Variants in ARHGEF38 observed in about 807,000 individuals in gnomAD.
ARHGEF38 encodes the protein Rho guanine nucleotide exchange factor (GEF) 38.
ARHGEF38 carries 79 observed loss-of-function variants against 79.9 expected under a neutral mutation model. That is an observed-to-expected ratio of 0.99 (90% confidence interval 0.82 to 1.19). ARHGEF38 has a LOEUF of 1.19. Ranked by LOEUF, ARHGEF38 falls within the 50% of genes most tolerant of loss-of-function variation. The probability of loss-of-function intolerance (pLI) is 0.00; values close to 1 mark genes in which losing one functional copy is unlikely to be tolerated. For synonymous variants in ARHGEF38, 366 were observed against 328.3 expected (o/e 1.11, Z -1.24); for missense variants, 962 against 907.2 (o/e 1.06, Z -0.78).
intron 10 of ARHGEF38, 97 bp downstream of exon 10, chr4:105,659,462 A>G (rs2110564400): frequency 8.5e-7 from 1 of 1,182,072 alleles, no homozygotes. Flanking sequence ...GTGCACATGT[A>G]TGCCGTGTGG....
chr4:105,648,653 C>A lies in ARHGEF38; in HGVS notation c.979C>A (p.Leu327Met). The A allele has an allele frequency of 6.5e-7, 1 of 1,531,356 alleles. No individual in the cohort carries two copies. The highest frequency in any genetic ancestry group is 8.7e-7 in the Non-Finnish European group (1 of 1,144,966). The allele number at this position is 1,531,356 out of a possible 1,614,324, so 94.9% of individuals were successfully genotyped here. Residue 327 changes from leucine (L) to methionine (M), a missense_variant, in exon 7 of 14, where the codon CTG becomes ATG. Transcript: ENST00000420470. ...GAAATCAAAAAGAGTGACAAATCATCTGAAGATTCTGACCAGAGGAGAATC... is the reference window on the plus strand; with the variant it reads ...GAAATCAAAAAGAGTGACAAATCATATGAAGATTCTGACCAGAGGAGAATC... ...SKKSKRVTNH[L>M]KILTRGESQV...
chr4:105,655,760 T>C (rs1317338845), intron 9 of ARHGEF38, 38 bp downstream of exon 9: 14 of 1,520,780 alleles, frequency 9.2e-6, no homozygotes, highest in Non-Finnish European at 1.2e-5. Flanking sequence ...GCAAATTAAA[T>C]AGTGAGGTTG....
At chr4:105,665,899 ATGAGCTCC>A (rs1320095095) in intron 10 of ARHGEF38, among the ~76,000 whole-genome samples, 29 of 152,192 alleles carry the variant, frequency 1.9e-4, no homozygotes, top group African/African-American at 6.8e-4. Context: ...ACCTACTGCC[ATGAGCTCC>A]TGAGCTTTTT....
At chr4:105,654,355 C>T (rs910800537) in intron 8 of ARHGEF38, among the ~76,000 whole-genome samples, 186 bp downstream of exon 8, 6 of 152,142 alleles carry the variant, frequency 3.9e-5, no homozygotes, top group Admixed American at 3.9e-4. Context: ...TGCTGTTTGA[C>T]CTCTTACCTG....
Position 105,613,509 on chromosome 4 carries a change from T to C in ARHGEF38, c.508+2T>C. The C allele has an allele frequency of 1.2e-6, 2 of 1,612,480 alleles. No individual in the cohort carries two copies. Among genetic ancestry groups the C allele is most frequent in the Non-Finnish European group, 8.5e-7 (1 of 1,179,012 alleles). ...TGGAACCGGCCATGCAAGTAATTGG[T>C]ATGTTTATTCTCTTCTCGAGTTCTA... On this transcript the variant is annotated splice_donor_variant, in intron 3 of 13. Transcript: ENST00000420470. LOFTEE classifies it high-confidence loss of function.
At position 105,677,943 on chromosome 4, in the gene ARHGEF38, T is replaced by C. The variant is rs1354812627; in HGVS notation, c.*6T>C. The C allele has an allele frequency of 1.3e-6, 2 of 1,491,540 alleles. No individual in the cohort carries two copies. The highest frequency in any genetic ancestry group is 4.3e-5 in the Admixed American group (2 of 46,552). The allele number at this position is 1,491,540 out of a possible 1,614,324, so 92.4% of individuals were successfully genotyped here. A position where few individuals can be genotyped will look rare whatever the true frequency, so the allele number is the denominator to read the frequency against. On this transcript the variant is annotated 3_prime_UTR_variant, in exon 14 of 14. Transcript: ENST00000420470. ...GAAAGATGACTTATGCTTAAGAAAA[T>C]AAGCCTTCAACTTTTATTTTCCAGC...
intron 1 of ARHGEF38, among the ~76,000 whole-genome samples, chr4:105,561,400 T>TAGAATAGAATAG (rs59437354): frequency 1.7e-4 from 5 of 30,180 alleles, no homozygotes; most frequent in African/African-American, 3.7e-4. Context: ...TAGAGTAGAA[T>TAGAATAGAATAG]AATAGAATAG....
Position 105,679,043 on chromosome 4 carries a change from CAAAT to C in ARHGEF38, c.*1108_*1111del. The C allele has an allele frequency of 5.0e-6, 2 of 402,612 alleles. No homozygotes were observed. The highest frequency in any genetic ancestry group is 8.2e-6 in the Non-Finnish European group (2 of 243,384). 24.9% of individuals were successfully genotyped at this position (402,612 alleles called of 1,614,324 possible). ...AAGCTCACACTGCTAAATTAACTAT[CAAAT>C]ACTCAGTCAAAACTCCATTTGTGGC... On this transcript the variant is annotated 3_prime_UTR_variant, in exon 14 of 14. Transcript: ENST00000420470.
chr4:105,667,225 A>G lies in ARHGEF38; in HGVS notation c.1786A>G (p.Thr596Ala). The G allele has an allele frequency of 1.3e-6, 2 of 1,536,208 alleles. No individual in the cohort carries two copies. Among genetic ancestry groups the G allele is most frequent in the Non-Finnish European group, 1.7e-6 (2 of 1,146,932 alleles). ...LYQAKRKCNA[T>A]QEYDINLLEG... is the part of the protein sequence containing the mutation. ...TCAAGCTAAGCGCAAGTGCAATGCT[A>G]CACAAGAATATGACATCAATCTTCT... The change falls in exon 12 of 14, where the codon ACA (threonine) becomes GCA (alanine). Residue 596 changes from threonine (T) to alanine (A), a missense_variant. Coordinates refer to ENST00000420470, the MANE Select transcript of ARHGEF38 (RefSeq NM_001242729.2).
intron 1 of ARHGEF38, among the ~76,000 whole-genome samples, chr4:105,582,054 A>T (rs1424176895): frequency 2.6e-5 from 4 of 151,472 alleles, no homozygotes; most frequent in African/African-American, 7.3e-5. Context: ...AATCCCAGCT[A>T]CTCAGGAGGC....
chr4:105,653,999 G>A (rs200008792), intron 7 of ARHGEF38, 66 bp from the exon 8 acceptor site: 394 of 890,998 alleles, frequency 4.4e-4, no homozygotes, highest in Non-Finnish European at 1.0e-4. Flanking sequence ...GACCAATATG[G>A]TCTGTGCTAT....
chr4:105,641,905 T>A (rs906472845), intron 5 of ARHGEF38, among the ~76,000 whole-genome samples: 47 of 152,190 alleles, frequency 3.1e-4, no homozygotes, highest in Non-Finnish European at 8.8e-5. Context: ...GAGATTAGTG[T>A]AGCTACTTTT....
chr4:105,638,848 A>T (rs914460963), intron 5 of ARHGEF38, among the ~76,000 whole-genome samples: 4 of 152,068 alleles, frequency 2.6e-5, no homozygotes, highest in African/African-American at 9.7e-5. Flanking sequence ...AGTTTGCCAA[A>T]CCCTTACTGA....
chr4:105,560,229 A>G (rs1012716135), intron 1 of ARHGEF38, among the ~76,000 whole-genome samples: 1 of 152,172 alleles, frequency 6.6e-6, no homozygotes, highest in African/African-American at 2.4e-5. Flanking sequence ...TTTAATAAAT[A>G]CTTTTTTTGT....
chr4:105,669,298 TATAATTTATGTAACTATCAGCCTA>T (rs941541377), intron 13 of ARHGEF38, among the ~76,000 whole-genome samples: 7 of 152,206 alleles, frequency 4.6e-5, no homozygotes. Flanking sequence ...ATTTTATGTA[TATAATTTATGTAACTATCAGCCTA>T]ATAATAGATA....
Position 105,679,751 on chromosome 4 carries a change from C to A in ARHGEF38, c.*1814C>A. The stretch of plus-strand genomic sequence containing the variant: ...TCCACATGTCTTAGTTGACCTTTCT[C>A]TTGGTTGATAAAAACATATACAAAC... On this transcript the variant is annotated 3_prime_UTR_variant, in exon 14 of 14. Transcript: ENST00000420470. 1 of 887,894 alleles carries A rather than the reference C, an allele frequency of 1.1e-6. No homozygotes were observed. 55.0% of individuals were successfully genotyped at this position (887,894 alleles called of 1,614,324 possible). A position where few individuals can be genotyped will look rare whatever the true frequency, so the allele number is the denominator to read the frequency against.
intron 9 of ARHGEF38, among the ~76,000 whole-genome samples, chr4:105,658,010 G>A (rs891147920): frequency 2.6e-5 from 4 of 152,118 alleles, no homozygotes; most frequent in African/African-American, 9.7e-5. Flanking sequence ...AAACAGAAGA[G>A]AAATAGAAGA....
rs2110577699 is a variant in ARHGEF38 at position 105,667,438 on chromosome 4, A to G, written c.1889-6A>G. ...TGGTTCTTCTTTCTTTTTATTTCCT[A>G]TCCAGATGTGAAAGGATATGTTTAT... On this transcript the variant is annotated splice_polypyrimidine_tract_variant and splice_region_variant and intron_variant, in intron 12 of 13. Coordinates refer to ENST00000420470, the MANE Select transcript of ARHGEF38 (RefSeq NM_001242729.2). 1 of 1,535,944 alleles carries G rather than the reference A, an allele frequency of 6.5e-7. No individual in the cohort carries two copies. Among genetic ancestry groups the G allele is most frequent in the East Asian group, 2.4e-5 (1 of 40,914 alleles).
chr4:105,679,005 G>C lies in ARHGEF38; in HGVS notation c.*1068G>C, dbSNP rs1731213346. The C allele has an allele frequency of 3.0e-6, 1 of 331,556 alleles. No homozygotes were observed. Among genetic ancestry groups the C allele is most frequent in the Non-Finnish European group, 5.0e-6 (1 of 198,956 alleles). The allele number at this position is 331,556 out of a possible 1,614,324, so 20.5% of individuals were successfully genotyped here. A position where few individuals can be genotyped will look rare whatever the true frequency, so the allele number is the denominator to read the frequency against. On this transcript the variant is annotated 3_prime_UTR_variant, in exon 14 of 14. Coordinates refer to ENST00000420470, the MANE Select transcript of ARHGEF38 (RefSeq NM_001242729.2). ...ATTTTTGATCCATAATGTAAGATTA[G>C]GTAGAAATAGGCAAGCTCACACTGC... is the stretch of plus-strand genomic sequence containing the variant.
Sources: gnomAD v4.1 joint callset for allele counts (sites outside exome capture counted in the v4.1 genomes callset) on GRCh38, gnomAD v4.1.1 for gene constraint, MANE v1.5 for transcripts, NCBI Gene and HGNC (gene_info 2026-07-23, HGNC 2026-07-21) for gene names.